The following CTIF variants were observed in gnomAD, a reference collection of about 807,000 sequenced individuals.
CTIF encodes the protein CBP80/20-dependent translation initiation factor.
A neutral mutation model predicts 66.0 loss-of-function variants in CTIF; 21 were observed. The ratio of observed to expected loss-of-function variants is 0.32; its 90% CI spans 0.23 to 0.46. The LOEUF is 0.46. Ranked by LOEUF, CTIF falls within the 20% of genes least tolerant of loss-of-function variation. CTIF has a pLI of 1.00. For missense variants in CTIF, 739 were observed against 812.7 expected (o/e 0.91, Z 1.10); for synonymous variants, 345 against 326.4 (o/e 1.06, Z -0.62).
intron 2 of CTIF, among the ~76,000 whole-genome samples, chr18:48,626,748 C>T (rs867052409): frequency 1.2e-4 from 18 of 151,192 alleles, no homozygotes; most frequent in Middle Eastern, 3.4e-3. Flanking sequence ...CTCTGCCTCC[C>T]GGGTTCAAGC....
intron 7 of CTIF, among the ~76,000 whole-genome samples, chr18:48,726,596 C>T (rs1239533418): frequency 6.6e-6 from 1 of 152,110 alleles, no homozygotes; most frequent in Non-Finnish European, 1.5e-5. Flanking sequence ...CTTCATAGGG[C>T]TGTTCATGAC....
At chr18:48,721,711 C>A (rs959203123) in intron 7 of CTIF, among the ~76,000 whole-genome samples, 1 of 152,140 alleles carries the variant, frequency 6.6e-6, no homozygotes, top group African/African-American at 2.4e-5. Flanking sequence ...AAGTCCTGAC[C>A]CTGTGTGCGG....
chr18:48,653,423 G>A (rs1390152662), intron 3 of CTIF, among the ~76,000 whole-genome samples: 6 of 152,166 alleles, frequency 3.9e-5, no homozygotes, highest in Non-Finnish European at 8.8e-5. Context: ...TATAAGGAAT[G>A]TGAAGGACCT....
chr18:48,766,298 C>G (rs530340818), intron 9 of CTIF, among the ~76,000 whole-genome samples: 9 of 152,036 alleles, frequency 5.9e-5, no homozygotes, highest in Non-Finnish European at 1.0e-4. Context: ...TGCTAGTGCT[C>G]TAGTCCAGGG....
At chr18:48,705,811 A>G (rs1248981771) in intron 6 of CTIF, among the ~76,000 whole-genome samples, 1 of 152,258 alleles carries the variant, frequency 6.6e-6, no homozygotes, top group Non-Finnish European at 1.5e-5. Context: ...GCTCCACTCA[A>G]CTATCACCCA....
At position 48,861,579 on chromosome 18, in the gene CTIF, G is replaced by C. The variant is rs988116941; in HGVS notation, c.*2020G>C. On this transcript the variant is annotated 3_prime_UTR_variant, in exon 12 of 12. Coordinates refer to ENST00000256413, the MANE Select transcript of CTIF (RefSeq NM_014772.3). ...CCCCTGCCCCCCTGAAGCATGTGGG[G>C]TTTGTCCGCTAGGAGGAGGCAAGGC... 2 of 152,454 alleles carry C rather than the reference G, an allele frequency of 1.3e-5. No individual in the cohort carries two copies. 9.4% of individuals were successfully genotyped at this position (152,454 alleles called of 1,614,324 possible).
intron 6 of CTIF, among the ~76,000 whole-genome samples, chr18:48,684,324 A>C (rs1252008423): frequency 6.6e-6 from 1 of 152,216 alleles, no homozygotes; most frequent in Non-Finnish European, 1.5e-5. Flanking sequence ...GACAGAAAAT[A>C]GCAGCTTTCT....
intron 10 of CTIF, among the ~76,000 whole-genome samples, chr18:48,852,899 G>A (rs2069240326): frequency 6.6e-6 from 1 of 152,166 alleles, no homozygotes; most frequent in African/African-American, 2.4e-5. Context: ...ATTTCTACAA[G>A]CACTCTATGT....
chr18:48,579,695 C>T lies in CTIF; in HGVS notation c.-28-39843C>T, dbSNP rs2089611950. The stretch of plus-strand genomic sequence containing the variant: ...AGAACCTTGACCCTAACTCCCAGGT[C>T]CCTTTCTCAGATGGATCTTGGTGTA... On this transcript the variant is annotated intron_variant, in intron 1 of 11. Coordinates refer to ENST00000256413, the MANE Select transcript of CTIF (RefSeq NM_014772.3). Among the ~76,000 whole-genome samples, 3 of 152,124 alleles carry T rather than the reference C, an allele frequency of 2.0e-5. No homozygotes were observed. In the South Asian group the frequency reaches 6.2e-4, roughly 32 times the overall value.
At chr18:48,649,626 C>T (rs530287654) in intron 3 of CTIF, among the ~76,000 whole-genome samples, 28 of 152,310 alleles carry the variant, frequency 1.8e-4, no homozygotes, top group Non-Finnish European at 2.9e-4. Context: ...TGTTTGAGCT[C>T]GGAGAATGGA....
At chr18:48,677,088 CTT>C (rs1202113884) in intron 6 of CTIF, among the ~76,000 whole-genome samples, 1 of 152,172 alleles carries the variant, frequency 6.6e-6, no homozygotes, top group Non-Finnish European at 1.5e-5. Context: ...GAAGGAGTAA[CTT>C]TATTGTTCCC....
intron 1 of CTIF, among the ~76,000 whole-genome samples, chr18:48,601,329 G>A (rs2090086747): frequency 1.3e-5 from 2 of 152,224 alleles, no homozygotes; most frequent in Admixed American, 6.5e-5. Context: ...TTTAGACACT[G>A]AGAATCAATT....
At chr18:48,649,087 A>G (rs1226563494) in intron 3 of CTIF, among the ~76,000 whole-genome samples, 1 of 152,196 alleles carries the variant, frequency 6.6e-6, no homozygotes, top group Non-Finnish European at 1.5e-5. Context: ...CACCTGGTTC[A>G]TCTCACTGGG....
In CTIF at chr18:48,646,821, G is replaced by A. The variant is rs563894863; in HGVS notation, c.252+10136G>A. Among the ~76,000 whole-genome samples the A allele has an allele frequency of 1.6e-4, 23 of 144,220 alleles. No homozygotes were observed. In the South Asian group the frequency reaches 4.5e-3, roughly 28 times the overall value. 94.6% of individuals were successfully genotyped at this position (144,220 alleles called of 152,430 possible). Reference sequence around the variant, plus strand: ...GACAGCGTCCAATGCTGGTGAGAATGCAGAGAAACTGGATCACTCCTGCAG... The same window carrying A: ...GACAGCGTCCAATGCTGGTGAGAATACAGAGAAACTGGATCACTCCTGCAG... On this transcript the variant is annotated intron_variant, in intron 3 of 11. Transcript: ENST00000256413.
At chr18:48,645,992 T>A (rs758669944) in intron 3 of CTIF, among the ~76,000 whole-genome samples, 2 of 152,162 alleles carry the variant, frequency 1.3e-5, no homozygotes, top group Non-Finnish European at 2.9e-5. Context: ...AATGTCCTGG[T>A]TTCAATTAAA....
intron 2 of CTIF, among the ~76,000 whole-genome samples, chr18:48,625,939 G>T (rs1244656694): frequency 6.6e-6 from 1 of 151,314 alleles, no homozygotes; most frequent in Non-Finnish European, 1.5e-5. Context: ...TATCCATACT[G>T]CCACCAGTGT....
intron 10 of CTIF, among the ~76,000 whole-genome samples, chr18:48,846,320 T>C (rs1057206634): frequency 2.6e-5 from 4 of 152,286 alleles, no homozygotes; most frequent in African/African-American, 7.2e-5. Context: ...CAATGCCATA[T>C]ACCTAGCAAG....
intron 6 of CTIF, among the ~76,000 whole-genome samples, chr18:48,698,759 A>G (rs1457118530): frequency 6.6e-6 from 1 of 152,166 alleles, no homozygotes; most frequent in Non-Finnish European, 1.5e-5. Context: ...CTAAAGCATT[A>G]TCCCCTTCCT....
chr18:48,793,174 C>G (rs957331302), intron 9 of CTIF, among the ~76,000 whole-genome samples: 3 of 152,118 alleles, frequency 2.0e-5, no homozygotes, highest in Admixed American at 2.0e-4. Context: ...CCCTGGGATC[C>G]CCTTGCAGGC....
Sources: allele counts gnomAD v4.1 joint callset (sites outside exome capture counted in the v4.1 genomes callset), GRCh38; gene constraint gnomAD v4.1.1; transcripts MANE v1.5; gene names NCBI Gene and HGNC (gene_info 2026-07-23, HGNC 2026-07-21).